LHFPL3: variants seen among roughly 807,000 people sequenced by gnomAD.
LHFPL3 encodes LHFPL tetraspan subfamily member 3.
A neutral mutation model predicts 19.3 loss-of-function variants in LHFPL3; 5 were observed. The ratio of observed to expected loss-of-function variants is 0.26; its 90% CI spans 0.14 to 0.54. The LOEUF is 0.54. Among genes scored for constraint, LHFPL3 ranks in the 20% least tolerant of loss-of-function variants. The probability of loss-of-function intolerance (pLI) is 0.94; values close to 1 mark genes in which losing one functional copy is unlikely to be tolerated. For synonymous variants in LHFPL3, 133 were observed against 126.2 expected (o/e 1.05, Z -0.36); for missense variants, 249 against 307.4 (o/e 0.81, Z 1.42).
At chr7:104,607,497 C>T (rs1791124524) in intron 1 of LHFPL3, among the ~76,000 whole-genome samples, 1 of 152,130 alleles carries the variant, frequency 6.6e-6, no homozygotes, top group Non-Finnish European at 1.5e-5. Context: ...TTGCAAAGCC[C>T]CTTGTTTAAT....
chr7:104,645,654 C>CTTTTTTTTTTTT (rs869151153), intron 1 of LHFPL3, among the ~76,000 whole-genome samples: 2 of 81,628 alleles, frequency 2.5e-5, no homozygotes, highest in Non-Finnish European at 4.2e-5. Flanking sequence ...ATTGGGTTTT[C>CTTTTTTTTTTTT]TTTTTTTTTT....
At chr7:104,502,051 A>G (rs1030864632) in intron 1 of LHFPL3, among the ~76,000 whole-genome samples, 3 of 152,240 alleles carry the variant, frequency 2.0e-5, no homozygotes, top group Non-Finnish European at 4.4e-5. Context: ...TCCTGAAGAT[A>G]CCTACAAGAA....
intron 1 of LHFPL3, among the ~76,000 whole-genome samples, chr7:104,600,243 T>C (rs1310230437): frequency 6.6e-6 from 1 of 152,238 alleles, no homozygotes; most frequent in African/African-American, 2.4e-5. Flanking sequence ...TACTTCACTA[T>C]TTGAATACTT....
At chr7:104,535,232 C>T (rs754825356) in intron 1 of LHFPL3, among the ~76,000 whole-genome samples, 11 of 152,192 alleles carry the variant, frequency 7.2e-5, no homozygotes, top group Non-Finnish European at 1.2e-4. Context: ...TATTTCACGT[C>T]TCTGGAAAAG....
chr7:104,796,495 G>A (rs1010302235), intron 2 of LHFPL3: 2 of 152,174 alleles, frequency 1.3e-5, no homozygotes, highest in Non-Finnish European at 2.9e-5. Context: ...AAATGCATGT[G>A]ATAGTGGGAG....
At chr7:104,747,803 T>G (rs1794078173) in intron 2 of LHFPL3, among the ~76,000 whole-genome samples, 1 of 152,224 alleles carries the variant, frequency 6.6e-6, no homozygotes. Flanking sequence ...GCTATGGAGC[T>G]TCTAAGAGCA....
Position 104,831,721 on chromosome 7 carries a change from A to C in LHFPL3, c.683-74466A>C, listed in dbSNP as rs142984044. ...TTTCTCCTTCACACACACAAAAAAA[A>C]GATGCTTTAAAAAATGTTTCAAAAT... On this transcript the variant is annotated intron_variant, in intron 2 of 2. Transcript: ENST00000424859. 7.2e-5 allele frequency among the ~76,000 whole-genome samples: 11 copies of C among 151,916 alleles called. 1 individual carries two copies. The highest frequency in any genetic ancestry group is 2.2e-4 in the African/African-American group (9 of 41,184).
intron 1 of LHFPL3, among the ~76,000 whole-genome samples, chr7:104,345,654 A>G (rs1453838300): frequency 6.6e-6 from 1 of 152,208 alleles, no homozygotes; most frequent in African/African-American, 2.4e-5. Context: ...GGTTTATACA[A>G]ATTACATATA....
At chr7:104,378,210 C>G (rs1229899457) in intron 1 of LHFPL3, among the ~76,000 whole-genome samples, 2 of 152,198 alleles carry the variant, frequency 1.3e-5, no homozygotes, top group Non-Finnish European at 2.9e-5. Flanking sequence ...CCTAACACTT[C>G]CCTCCTGCCT....
At chr7:104,633,171 G>C (rs981472624) in intron 1 of LHFPL3, among the ~76,000 whole-genome samples, 1 of 152,068 alleles carries the variant, frequency 6.6e-6, no homozygotes, top group Non-Finnish European at 1.5e-5. Flanking sequence ...TTCTATTTTC[G>C]TCATCTGCAA....
intron 1 of LHFPL3, among the ~76,000 whole-genome samples, chr7:104,714,881 T>A (rs1793358608): frequency 6.6e-6 from 1 of 152,218 alleles, no homozygotes; most frequent in Non-Finnish European, 1.5e-5. Flanking sequence ...CGTTTGTGTG[T>A]GTGTGCGCAT....
At chr7:104,462,592 T>C (rs1290064624) in intron 1 of LHFPL3, among the ~76,000 whole-genome samples, 1 of 152,260 alleles carries the variant, frequency 6.6e-6, no homozygotes, top group Non-Finnish European at 1.5e-5. Context: ...TGAAGCCTAT[T>C]TGATCATGGT....
intron 1 of LHFPL3, among the ~76,000 whole-genome samples, chr7:104,415,408 A>G (rs975716155): frequency 6.6e-6 from 1 of 152,190 alleles, no homozygotes; most frequent in Admixed American, 6.5e-5. Context: ...TTAATTTCCT[A>G]TTATGAAAAC....
intron 1 of LHFPL3, among the ~76,000 whole-genome samples, chr7:104,667,248 C>T (rs1306505959): frequency 7.4e-6 from 1 of 134,696 alleles, no homozygotes; most frequent in African/African-American, 2.8e-5. Flanking sequence ...TCCCCTCCTA[C>T]AATCATCTGT....
chr7:104,515,480 C>T (rs1793903858), intron 1 of LHFPL3, among the ~76,000 whole-genome samples: 2 of 152,112 alleles, frequency 1.3e-5, no homozygotes, highest in African/African-American at 4.8e-5. Flanking sequence ...ATAAGGAGAG[C>T]GTATGTTACC....
At chr7:104,688,016 T>C (rs758319404) in intron 1 of LHFPL3, among the ~76,000 whole-genome samples, 1 of 152,232 alleles carries the variant, frequency 6.6e-6, no homozygotes, top group Non-Finnish European at 1.5e-5. Context: ...CTACTTCTAA[T>C]AGTATGGAGA....
At chr7:104,348,981 CT>C (rs5886306) in intron 1 of LHFPL3, among the ~76,000 whole-genome samples, 71,102 of 140,776 alleles carry the variant, frequency 0.51, 17,135 homozygotes, top group East Asian at 0.72. Flanking sequence ...CACTCTTCTC[CT>C]TTTTTCTCCT....
At chr7:104,594,691 G>T (rs1299113013) in intron 1 of LHFPL3, among the ~76,000 whole-genome samples, 1 of 152,088 alleles carries the variant, frequency 6.6e-6, no homozygotes, top group East Asian at 1.9e-4. Context: ...ACGTAGATTT[G>T]GTCTTTTCAC....
intron 1 of LHFPL3, among the ~76,000 whole-genome samples, chr7:104,516,713 C>A (rs1793928304): frequency 6.6e-6 from 1 of 152,020 alleles, no homozygotes; most frequent in Non-Finnish European, 1.5e-5. Context: ...TAAATTAGTT[C>A]AACCATTATG....
Sources: allele counts gnomAD v4.1 joint callset (sites outside exome capture counted in the v4.1 genomes callset), GRCh38; gene constraint gnomAD v4.1.1; transcripts MANE v1.5; gene names NCBI Gene and HGNC (gene_info 2026-07-23, HGNC 2026-07-21).